PLSCR4: variants seen among roughly 807,000 people sequenced by gnomAD.
The protein encoded by PLSCR4 is Ca(2+)-dependent phospholipid scramblase 4.
Under a neutral mutation model 36.3 loss-of-function variants are expected in PLSCR4, and 25 were observed. The observed-to-expected ratio is 0.69, with a 90% CI of 0.50 to 0.96. PLSCR4 has a LOEUF of 0.96. PLSCR4 is among the 40% of genes least tolerant of loss of function. PLSCR4 has a pLI of 0.00. For missense variants in PLSCR4, 408 were observed against 414.7 expected, an observed-to-expected ratio of 0.98 and a Z score of 0.14; for synonymous variants, 122 against 132.9, an observed-to-expected ratio of 0.92 and a Z score of 0.56.
intron 8 of PLSCR4, among the ~76,000 whole-genome samples, chr3:146,194,836 G>C (rs2033626863): frequency 6.6e-6 from 1 of 152,114 alleles, no homozygotes; most frequent in African/African-American, 2.4e-5. Flanking sequence ...AACATGCAAT[G>C]ATGATAATTA....
chr3:146,220,697 C>T (rs182800371), intron 3 of PLSCR4, 118 bp downstream of exon 3: 115 of 684,874 alleles, frequency 1.7e-4, no homozygotes, highest in South Asian at 1.7e-3. Flanking sequence ...ACCCTATTGG[C>T]ATCCAATATT....
At chr3:146,232,957 A>G (rs1056571763) in intron 1 of PLSCR4, among the ~76,000 whole-genome samples, 2 of 78,368 alleles carry the variant, frequency 2.6e-5, no homozygotes, top group African/African-American at 2.8e-5. Context: ...ATCTCTGGAC[A>G]TACTTTTGTT....
intron 4 of PLSCR4, among the ~76,000 whole-genome samples, chr3:146,202,337 G>A (rs952623282): frequency 2.7e-4 from 40 of 148,934 alleles, no homozygotes; most frequent in African/African-American, 1.0e-3. Flanking sequence ...GTAAGAAAGT[G>A]AGTGACATGA....
At chr3:146,220,769 A>G (rs777843981) in intron 3 of PLSCR4, 46 bp downstream of exon 3, 51 of 1,184,038 alleles carry the variant, frequency 4.3e-5, no homozygotes, top group Non-Finnish European at 6.1e-5. Flanking sequence ...AATCATTAGT[A>G]TGGTTTTTAG....
At chr3:146,225,993 T>G (rs897988243) in intron 1 of PLSCR4, among the ~76,000 whole-genome samples, 2 of 152,218 alleles carry the variant, frequency 1.3e-5, no homozygotes, top group African/African-American at 2.4e-5. Context: ...CGCAGTATGA[T>G]TCCACGTAAG....
chr3:146,230,866 TTTTTAAC>T, intron 1 of PLSCR4, among the ~76,000 whole-genome samples: 1 of 152,288 alleles, frequency 6.6e-6, no homozygotes, highest in Middle Eastern at 3.4e-3. Flanking sequence ...TATTTTTCCT[TTTTTAAC>T]TTTTATTTTA....
intron 3 of PLSCR4, among the ~76,000 whole-genome samples, chr3:146,208,655 T>C (rs1442154363): frequency 3.0e-4 from 46 of 152,102 alleles, no homozygotes; most frequent in South Asian, 2.1e-4. Flanking sequence ...AACAATTGTA[T>C]GAAAAAATAC....
intron 6 of PLSCR4, among the ~76,000 whole-genome samples, chr3:146,198,379 A>G (rs994112888): frequency 6.6e-6 from 1 of 152,098 alleles, no homozygotes; most frequent in Non-Finnish European, 1.5e-5. Flanking sequence ...TTATGAGACA[A>G]AAGTGTCATA....
intron 1 of PLSCR4, among the ~76,000 whole-genome samples, chr3:146,224,314 A>G (rs1255625199): frequency 6.6e-6 from 1 of 152,230 alleles, no homozygotes; most frequent in Non-Finnish European, 1.5e-5. Flanking sequence ...GTGCACGTGG[A>G]CAGAGATGTA....
chr3:146,203,510 A>G (rs767751337), intron 4 of PLSCR4, among the ~76,000 whole-genome samples: 9 of 152,036 alleles, frequency 5.9e-5, no homozygotes, highest in Non-Finnish European at 1.2e-4. Context: ...TCTGTTGTTT[A>G]GCAGAGTCAC....
intron 1 of PLSCR4, among the ~76,000 whole-genome samples, chr3:146,222,637 G>A (rs949721858): frequency 3.9e-5 from 6 of 152,274 alleles, no homozygotes; most frequent in Non-Finnish European, 5.9e-5. Flanking sequence ...GAGTGACTGG[G>A]CCACAGTGAG....
Position 146,220,745 on chromosome 3 carries a change from TA to T in PLSCR4, c.118+69del, listed in dbSNP as rs1576473225. On this transcript the variant is annotated intron_variant, in intron 3 of 8. Transcript: ENST00000354952. ...AAATCAGTCAATTAATTTGTTCGCT[TA>T]AAAAGCAATTTTAATCATTAGTATG... is the stretch of plus-strand genomic sequence containing the variant. 27 of 996,724 alleles carry T rather than the reference TA, an allele frequency of 2.7e-5. No homozygotes were observed. The East Asian group carries it at 6.4e-4, about 24-fold the overall frequency. The allele number at this position is 996,724 out of a possible 1,614,324, so 61.7% of individuals were successfully genotyped here.
At chr3:146,198,408 A>T (rs1439248904) in intron 6 of PLSCR4, among the ~76,000 whole-genome samples, 1 of 151,680 alleles carries the variant, frequency 6.6e-6, no homozygotes, top group Non-Finnish European at 1.5e-5. Flanking sequence ...TAGGCTTGTA[A>T]TTTTTTTTAG....
At chr3:146,232,138 T>C (rs963555624) in intron 1 of PLSCR4, among the ~76,000 whole-genome samples, 24 of 152,164 alleles carry the variant, frequency 1.6e-4, no homozygotes, top group African/African-American at 5.8e-4. Flanking sequence ...TTGGTATTGT[T>C]GACTTTGTTA....
rs1442846010 is a variant in PLSCR4, at chr3:146,222,102, A to G, written c.-21-10T>C. On this transcript the variant is annotated splice_polypyrimidine_tract_variant and intron_variant, in intron 1 of 8. Coordinates refer to ENST00000354952, the MANE Select transcript of PLSCR4 (RefSeq NM_020353.3). Reference sequence around the variant, plus strand: ...AGAATTCCAATTAATCCTGAAAAATAAAAAATGTTAATGCCTTTAAAATAC... The same window carrying G: ...AGAATTCCAATTAATCCTGAAAAATGAAAAATGTTAATGCCTTTAAAATAC... The G allele has an allele frequency of 3.7e-6, 4 of 1,072,016 alleles. No homozygotes were observed. Among genetic ancestry groups the G allele is most frequent in the African/African-American group, 1.7e-5 (1 of 60,084 alleles). 66.4% of individuals were successfully genotyped at this position (1,072,016 alleles called of 1,614,324 possible). A position where few individuals can be genotyped will look rare whatever the true frequency, so the allele number is the denominator to read the frequency against.
intron 5 of PLSCR4, among the ~76,000 whole-genome samples, chr3:146,200,580 A>T (rs1032853718): frequency 6.6e-6 from 1 of 152,052 alleles, no homozygotes; most frequent in Non-Finnish European, 1.5e-5. Context: ...CTTACTTCCA[A>T]AGCGAGGGCA....
intron 1 of PLSCR4, among the ~76,000 whole-genome samples, chr3:146,228,480 A>G (rs1216933362): frequency 6.6e-6 from 1 of 152,226 alleles, no homozygotes; most frequent in Non-Finnish European, 1.5e-5. Context: ...GGGGAGAAAA[A>G]AAAAACGGAG....
At chr3:146,225,302 A>G (rs1319419830) in intron 1 of PLSCR4, among the ~76,000 whole-genome samples, 3 of 152,220 alleles carry the variant, frequency 2.0e-5, no homozygotes, top group African/African-American at 4.8e-5. Flanking sequence ...TGGTGTATTT[A>G]TAATCCCTGA....
At chr3:146,214,127 T>TGGAGGTG (rs1190359233) in intron 3 of PLSCR4, among the ~76,000 whole-genome samples, 20 of 8,936 alleles carry the variant, frequency 2.2e-3, no homozygotes, top group South Asian at 5.8e-3. Flanking sequence ...CTTTTTTTTT[T>TGGAGGTG]TTTTTTTTTT....
Sources: allele counts gnomAD v4.1 joint callset (sites outside exome capture counted in the v4.1 genomes callset), GRCh38; gene constraint gnomAD v4.1.1; transcripts MANE v1.5; gene names NCBI Gene and HGNC (gene_info 2026-07-23, HGNC 2026-07-21).